Variants in FRMD4B observed in about 807,000 individuals in gnomAD.
The protein encoded by FRMD4B is FERM domain containing 4B.
In FRMD4B, 74 loss-of-function variants were observed where a neutral mutation model predicts 141.5. That is an observed-to-expected ratio of 0.52 (90% confidence interval 0.43 to 0.63). The LOEUF is 0.63. Among genes scored for constraint, FRMD4B ranks in the 30% least tolerant of loss-of-function variants. The pLI is 0.00. For synonymous variants in FRMD4B, 506 were observed against 467.9 expected (o/e 1.08, Z -1.05); for missense variants, 1,366 against 1,253.4 (o/e 1.09, Z -1.36).
intron 1 of FRMD4B, among the ~76,000 whole-genome samples, chr3:69,532,608 T>C (rs62252569): frequency 0.24 from 36,523 of 152,128 alleles, 4,675 homozygotes; most frequent in African/African-American, 0.31. Flanking sequence ...AGTGCCAATT[T>C]CAGCTCCCCT....
intron 11 of FRMD4B, among the ~76,000 whole-genome samples, chr3:69,206,392 G>T (rs1299685910): frequency 6.6e-6 from 1 of 152,126 alleles, no homozygotes; most frequent in Non-Finnish European, 1.5e-5. Flanking sequence ...TATCTTAAAT[G>T]CAAGGAGTAA....
chr3:69,283,328 G>A (rs562029195), intron 5 of FRMD4B, among the ~76,000 whole-genome samples: 3 of 151,128 alleles, frequency 2.0e-5, no homozygotes, highest in Non-Finnish European at 4.4e-5. Context: ...GGGTTGCAGT[G>A]AGCTGAGATT....
At chr3:69,349,358 T>C (rs1400744004) in intron 1 of FRMD4B, among the ~76,000 whole-genome samples, 1 of 152,176 alleles carries the variant, frequency 6.6e-6, no homozygotes, top group African/African-American at 2.4e-5. Flanking sequence ...TCCATGCTCA[T>C]GGATAGGAAG....
At chr3:69,280,427 T>C (rs902287073) in intron 5 of FRMD4B, among the ~76,000 whole-genome samples, 54 of 152,164 alleles carry the variant, frequency 3.5e-4, no homozygotes, top group Non-Finnish European at 7.3e-5. Flanking sequence ...GCTAGTGCAC[T>C]CCTGAAATAT....
chr3:69,329,181 G>A (rs758760821), intron 1 of FRMD4B, among the ~76,000 whole-genome samples: 1 of 152,062 alleles, frequency 6.6e-6, no homozygotes, highest in African/African-American at 2.4e-5. Context: ...ACAAACAGAG[G>A]CTTCAGGTTT....
At chr3:69,475,185 T>C (rs1333301512) in intron 1 of FRMD4B, among the ~76,000 whole-genome samples, 1 of 152,036 alleles carries the variant, frequency 6.6e-6, no homozygotes, top group Non-Finnish European at 1.5e-5. Flanking sequence ...CCTGTGTTTC[T>C]ATTTTTTCTT....
chr3:69,366,422 A>T (rs1241136084), intron 1 of FRMD4B, among the ~76,000 whole-genome samples: 4 of 152,226 alleles, frequency 2.6e-5, no homozygotes. Flanking sequence ...TAAGACATGT[A>T]AGTAAATACA....
chr3:69,431,961 G>A (rs1279367865), intron 2 of FRMD4B, among the ~76,000 whole-genome samples: 1 of 152,182 alleles, frequency 6.6e-6, no homozygotes, highest in East Asian at 1.9e-4. Flanking sequence ...GAAACATTTT[G>A]AGATCTCATC....
intron 7 of FRMD4B, among the ~76,000 whole-genome samples, chr3:69,237,670 C>T (rs957634415): frequency 2.6e-5 from 4 of 152,198 alleles, no homozygotes; most frequent in Non-Finnish European, 4.4e-5. Context: ...TGGTCCCCAG[C>T]TTCCTCAGAC....
chr3:69,323,741 A>G (rs1404358084), intron 1 of FRMD4B, among the ~76,000 whole-genome samples: 1 of 150,922 alleles, frequency 6.6e-6, no homozygotes, highest in Non-Finnish European at 1.5e-5. Context: ...AGGCTCAGAA[A>G]AGGTACATGG....
intron 1 of FRMD4B, among the ~76,000 whole-genome samples, chr3:69,504,740 A>C (rs564914833): frequency 2.0e-5 from 3 of 152,212 alleles, no homozygotes. Flanking sequence ...TCCAAGATGA[A>C]TAATCTTATA....
At chr3:69,452,796 T>G (rs1575806949) in intron 1 of FRMD4B, among the ~76,000 whole-genome samples, 1 of 152,170 alleles carries the variant, frequency 6.6e-6, no homozygotes, top group African/African-American at 2.4e-5. Context: ...AAACATAACG[T>G]GGGTCACAAA....
intron 1 of FRMD4B, among the ~76,000 whole-genome samples, chr3:69,507,381 G>A (rs1706614193): frequency 6.6e-6 from 1 of 152,088 alleles, no homozygotes; most frequent in African/African-American, 2.4e-5. Context: ...GTGTATATGT[G>A]TAAGTTTGTG....
intron 2 of FRMD4B, among the ~76,000 whole-genome samples, chr3:69,410,353 A>T (rs1013755687): frequency 1.3e-5 from 2 of 152,122 alleles, no homozygotes; most frequent in East Asian, 3.9e-4. Context: ...AAGCGTGTGA[A>T]TATCTGCGTG....
At chr3:69,240,481 T>TC (rs1559744600) in intron 7 of FRMD4B, among the ~76,000 whole-genome samples, 6 of 20,290 alleles carry the variant, frequency 3.0e-4, no homozygotes, top group Non-Finnish European at 4.6e-4. Flanking sequence ...AGACTCTGTC[T>TC]CAAAAAAAAA....
chr3:69,232,404 T>C (rs2107788893), intron 7 of FRMD4B, among the ~76,000 whole-genome samples: 1 of 152,280 alleles, frequency 6.6e-6, no homozygotes, highest in African/African-American at 2.4e-5. Context: ...AACTCCTCCC[T>C]TAGGCATTCC....
At chr3:69,493,637 A>T (rs1261526728) in intron 1 of FRMD4B, among the ~76,000 whole-genome samples, 1 of 152,138 alleles carries the variant, frequency 6.6e-6, no homozygotes, top group Non-Finnish European at 1.5e-5. Flanking sequence ...CCTAGCATTT[A>T]CAGCCTCTGT....
At chr3:69,442,284 A>G (rs1175467867) in intron 1 of FRMD4B, among the ~76,000 whole-genome samples, 1 of 151,910 alleles carries the variant, frequency 6.6e-6, no homozygotes, top group Non-Finnish European at 1.5e-5. Flanking sequence ...ATCTCACTAT[A>G]TTGTCCAGGC....
At chr3:69,450,789 C>A (rs1705485219) in intron 1 of FRMD4B, among the ~76,000 whole-genome samples, 1 of 67,608 alleles carries the variant, frequency 1.5e-5, no homozygotes, top group South Asian at 4.6e-4. Context: ...ACCCCAACAA[C>A]AAAACAACAA....
Sources: gnomAD v4.1 joint callset for allele counts (sites outside exome capture counted in the v4.1 genomes callset) on GRCh38, gnomAD v4.1.1 for gene constraint, MANE v1.5 for transcripts, NCBI Gene and HGNC (gene_info 2026-07-23, HGNC 2026-07-21) for gene names.